Variants in INSC observed in about 807,000 individuals in gnomAD.
INSC encodes INSC spindle orientation adaptor protein, also known as protein inscuteable homolog.
Under a neutral mutation model 58.6 loss-of-function variants are expected in INSC, and 67 were observed. The ratio of observed to expected loss-of-function variants is 1.14; its 90% confidence interval spans 0.94 to 1.40. INSC has a LOEUF of 1.40. Ranked by LOEUF, INSC falls within the 40% of genes most tolerant of loss-of-function variation. The probability of loss-of-function intolerance (pLI) is 0.00; values close to 1 mark genes in which losing one functional copy is unlikely to be tolerated. For synonymous variants in INSC, 262 were observed against 276.1 expected (o/e 0.95, Z 0.51); for missense variants, 714 against 692.0 (o/e 1.03, Z -0.36).
At chr11:15,241,560 G>A (rs1852356776) in intron 12 of INSC, 2 of 702,886 alleles carry the variant, frequency 2.8e-6, no homozygotes, top group Non-Finnish European at 5.2e-6. Context: ...TCCATTCACT[G>A]TTCTAGGCTA....
At chr11:15,115,078 G>A (rs1847659953) in intron 1 of INSC, 75 bp downstream of exon 1, 4 of 921,232 alleles carry the variant, frequency 4.3e-6, no homozygotes, top group Non-Finnish European at 5.2e-6. Context: ...AACAGTGCAG[G>A]TTTGTCACTA....
At chr11:15,119,822 A>G (rs1403670429) in intron 1 of INSC, among the ~76,000 whole-genome samples, 2 of 152,258 alleles carry the variant, frequency 1.3e-5, no homozygotes, top group Admixed American at 6.5e-5. Flanking sequence ...AGCCAGACAG[A>G]TCTGACTTGG....
At position 15,188,117 on chromosome 11, in the gene INSC, G is replaced by A. The variant is rs139174654; in HGVS notation, c.580-2584G>A. 565 of 908,410 alleles carry A rather than the reference G, an allele frequency of 6.2e-4. 5 individuals are homozygous for A. In the African/African-American group the frequency reaches 9.1e-3, roughly 15 times the overall value. 56.3% of individuals were successfully genotyped at this position (908,410 alleles called of 1,614,324 possible). On this transcript the variant is annotated intron_variant, in intron 5 of 12. Transcript: ENST00000379556. ...GTCATGCTGTGCTCAGTTATAGCTT[G>A]GAGTAGCTTAGGGGAAGTGTGGCCT...
At chr11:15,127,263 T>G (rs896196090) in intron 1 of INSC, among the ~76,000 whole-genome samples, 1 of 152,214 alleles carries the variant, frequency 6.6e-6, no homozygotes, top group Non-Finnish European at 1.5e-5. Flanking sequence ...TTTGTTTTCT[T>G]GCTGTCCTAA....
chr11:15,178,051 C>T (rs1249309808), intron 4 of INSC, among the ~76,000 whole-genome samples: 1 of 152,198 alleles, frequency 6.6e-6, no homozygotes, highest in African/African-American at 2.4e-5. Context: ...GCAGATTCTG[C>T]AGGGAGAAGC....
At chr11:15,146,744 C>G (rs1042202332) in intron 1 of INSC, among the ~76,000 whole-genome samples, 7 of 152,178 alleles carry the variant, frequency 4.6e-5, no homozygotes, top group South Asian at 2.1e-4. Flanking sequence ...GTCGGTGATC[C>G]AGAATAGGCT....
chr11:15,118,743 A>G (rs902248554), intron 1 of INSC, among the ~76,000 whole-genome samples: 1 of 152,234 alleles, frequency 6.6e-6, no homozygotes. Flanking sequence ...CTTTAAGCTC[A>G]ACCAAGTGAA....
At chr11:15,159,675 C>T (rs1005521096) in intron 2 of INSC, among the ~76,000 whole-genome samples, 1 of 152,198 alleles carries the variant, frequency 6.6e-6, no homozygotes. Context: ...GGGTTCAGAG[C>T]CAAACTTTGC....
Position 15,177,101 on chromosome 11 carries a change from T to C in INSC, c.403-10T>C, listed in dbSNP as rs1379128090. ...ACTGAGTTGAATAAAATGGACTTAT[T>C]TTTCTACAGATTGAGAAGCTGCTAA... On this transcript the variant is annotated splice_polypyrimidine_tract_variant and intron_variant, in intron 3 of 12. Transcript: ENST00000379556. 3 of 1,613,464 alleles carry C rather than the reference T, an allele frequency of 1.9e-6. No individual in the cohort carries two copies. In the South Asian group the frequency reaches 3.3e-5, roughly 18 times the overall value.
intron 1 of INSC, among the ~76,000 whole-genome samples, chr11:15,130,531 G>A (rs541674948): frequency 1.7e-3 from 252 of 152,172 alleles, no homozygotes; most frequent in African/African-American, 5.8e-3. Flanking sequence ...ATATGAGATT[G>A]GCCTGTATAT....
chr11:15,123,012 C>T (rs1298488315), intron 1 of INSC, among the ~76,000 whole-genome samples: 1 of 152,218 alleles, frequency 6.6e-6, no homozygotes. Context: ...CACTCCCTCC[C>T]TGGCTCTCCC....
At chr11:15,154,774 C>G (rs556347293) in intron 2 of INSC, among the ~76,000 whole-genome samples, 1 of 151,584 alleles carries the variant, frequency 6.6e-6, no homozygotes, top group Admixed American at 6.6e-5. Flanking sequence ...CATTCTAAGT[C>G]TGTGAATAAG....
intron 1 of INSC, among the ~76,000 whole-genome samples, chr11:15,129,316 A>T (rs1222520126): frequency 6.6e-6 from 1 of 151,988 alleles, no homozygotes; most frequent in Non-Finnish European, 1.5e-5. Flanking sequence ...CACTGTATTT[A>T]TTAGTTTTTA....
At chr11:15,157,813 C>T (rs571385173) in intron 2 of INSC, among the ~76,000 whole-genome samples, 8 of 152,230 alleles carry the variant, frequency 5.3e-5, no homozygotes, top group Admixed American at 5.2e-4. Context: ...TCACCAGGTC[C>T]AGTCTCCTTC....
intron 12 of INSC, among the ~76,000 whole-genome samples, chr11:15,242,364 G>A (rs536328018): frequency 1.4e-3 from 217 of 152,324 alleles, no homozygotes; most frequent in Non-Finnish European, 1.6e-3. Flanking sequence ...ATTATATCTT[G>A]TGGATGAGTT....
intron 1 of INSC, among the ~76,000 whole-genome samples, chr11:15,121,497 T>C (rs1417730406): frequency 6.6e-6 from 1 of 152,228 alleles, no homozygotes; most frequent in East Asian, 1.9e-4. Flanking sequence ...GATGTGGGGA[T>C]TGTCCCAGTG....
chr11:15,246,045 T>C lies in INSC; in HGVS notation c.*5T>C, dbSNP rs747998232. 1 of 1,614,028 alleles carries C rather than the reference T, an allele frequency of 6.2e-7. No individual in the cohort carries two copies. Among genetic ancestry groups the C allele is most frequent in the Non-Finnish European group, 8.5e-7 (1 of 1,179,956 alleles). ...ATGGAGGAGAGTTTTGTGTAGTGAG[T>C]GTGGGCGAAGAAATACATTTGGCTG... On this transcript the variant is annotated 3_prime_UTR_variant, in exon 13 of 13. Transcript: ENST00000379556.
rs774420186 is a variant in INSC, at chr11:15,190,832, G to C, written c.693+18G>C. On this transcript the variant is annotated intron_variant, in intron 6 of 12. Coordinates refer to ENST00000379556, the MANE Select transcript of INSC (RefSeq NM_001042536.3). ...TAGCCAAGGTGAGCTTCATGGTTAG[G>C]GACCAAAATGGCAGGCCTGGGGAAG... The C allele has an allele frequency of 1.9e-6, 3 of 1,540,570 alleles. No homozygotes were observed. In the South Asian group the frequency reaches 3.3e-5, roughly 17 times the overall value.
chr11:15,215,175 G>A (rs1004298894), intron 7 of INSC, among the ~76,000 whole-genome samples: 25 of 152,282 alleles, frequency 1.6e-4, no homozygotes, highest in African/African-American at 1.4e-4. Flanking sequence ...TTGCATGCCC[G>A]CCCATGAGGA....
Sources: gnomAD v4.1 joint callset for allele counts (sites outside exome capture counted in the v4.1 genomes callset) on GRCh38, gnomAD v4.1.1 for gene constraint, MANE v1.5 for transcripts, NCBI Gene and HGNC (gene_info 2026-07-23, HGNC 2026-07-21) for gene names.